Variants in LRRC49 observed in about 807,000 individuals in gnomAD.
LRRC49 encodes the protein leucine rich repeat containing 49.
LRRC49 carries 50 observed loss-of-function variants against 83.3 expected under a neutral mutation model. That is an observed-to-expected ratio of 0.60 (90% CI 0.48 to 0.76). The LOEUF (loss-of-function observed/expected upper bound fraction) is 0.76. LRRC49 is among the 30% of genes least tolerant of loss of function. The pLI is 0.00. For missense variants in LRRC49, 704 were observed against 809.1 expected (o/e 0.87, Z 1.58); for synonymous variants, 286 against 283.3 (o/e 1.01, Z -0.10).
upstream of LRRC49, chr15:70,892,649 GT>G: frequency 6.9e-7 from 1 of 1,446,058 alleles, no homozygotes; most frequent in South Asian, 1.4e-5. Flanking sequence ...CTCCCGCTCT[GT>G]TTTTATGAGG....
chr15:70,930,545 C>T lies in LRRC49; in HGVS notation c.712-6216C>T, dbSNP rs189502855. ...TGTCAACAACTTTGTTAGCTCCTAA[C>T]GAGAGAGTCAGCATGTGTTTTGAAG... On this transcript the variant is annotated intron_variant, in intron 7 of 15. Transcript: ENST00000260382. 5.3e-5 allele frequency among the ~76,000 whole-genome samples: 8 copies of T among 152,292 alleles called. No individual in the cohort carries two copies. The East Asian group carries it at 1.2e-3, about 22-fold the overall frequency.
At chr15:70,927,695 T>A (rs543278950) in intron 7 of LRRC49, among the ~76,000 whole-genome samples, 1 of 152,328 alleles carries the variant, frequency 6.6e-6, no homozygotes, top group South Asian at 2.1e-4. Context: ...TTGCCCAGGT[T>A]GGAGTGCAGT....
intron 1 of LRRC49, among the ~76,000 whole-genome samples, chr15:70,865,429 G>A (rs749300371): frequency 3.3e-5 from 5 of 152,078 alleles, no homozygotes; most frequent in South Asian, 2.1e-4. Flanking sequence ...TGATAGTTCC[G>A]TAAAATTATC....
chr15:70,996,939 T>C (rs1212411509), intron 11 of LRRC49, among the ~76,000 whole-genome samples: 1 of 152,238 alleles, frequency 6.6e-6, no homozygotes, highest in Admixed American at 6.5e-5. Flanking sequence ...TTAATCTTTT[T>C]AGATTGATTG....
At chr15:70,887,566 A>C (rs2033443740), upstream of LRRC49, among the ~76,000 whole-genome samples, 1 of 152,194 alleles carries the variant, frequency 6.6e-6, no homozygotes, top group Non-Finnish European at 1.5e-5. Context: ...CATTATTTAT[A>C]ATCTAAACTA....
chr15:70,862,517 G>A (rs888939136), intron 1 of LRRC49, among the ~76,000 whole-genome samples: 35 of 143,746 alleles, frequency 2.4e-4, no homozygotes, highest in African/African-American at 8.0e-4. Flanking sequence ...GGCAGAGGTT[G>A]CAGTGAGCTG....
At chr15:71,046,560 T>C (rs2039860404) in intron 15 of LRRC49, among the ~76,000 whole-genome samples, 1 of 152,216 alleles carries the variant, frequency 6.6e-6, no homozygotes, top group Non-Finnish European at 1.5e-5. Context: ...ATTTGGTTTT[T>C]GCTTGGTGAT....
chr15:71,015,124 T>C (rs2038783286), intron 14 of LRRC49, among the ~76,000 whole-genome samples: 1 of 152,062 alleles, frequency 6.6e-6, no homozygotes, highest in Non-Finnish European at 1.5e-5. Context: ...TTGGGATGGG[T>C]AGTGGGGTAG....
intron 2 of LRRC49, among the ~76,000 whole-genome samples, chr15:70,893,940 G>T (rs956992408): frequency 2.0e-5 from 3 of 150,978 alleles, no homozygotes; most frequent in African/African-American, 7.3e-5. Flanking sequence ...AGGCTGGGGC[G>T]CTGGGGTGCA....
intron 2 of LRRC49, among the ~76,000 whole-genome samples, chr15:70,873,502 T>C (rs1023700135): frequency 6.6e-6 from 1 of 152,190 alleles, no homozygotes; most frequent in Non-Finnish European, 1.5e-5. Context: ...TACAGTTGCA[T>C]GGGCTGACTG....
chr15:70,854,175 G>A, intron 1 of LRRC49: 1 of 995,360 alleles, frequency 1.0e-6, no homozygotes, highest in Non-Finnish European at 1.3e-6. Context: ...GGGGGCGGGG[G>A]CGGTGCGAGC....
At chr15:70,961,161 A>G (rs2036589743) in intron 8 of LRRC49, among the ~76,000 whole-genome samples, 1 of 152,208 alleles carries the variant, frequency 6.6e-6, no homozygotes, top group Admixed American at 6.5e-5. Flanking sequence ...AAGTATGCAT[A>G]TGAAAAGATG....
intron 1 of LRRC49, among the ~76,000 whole-genome samples, chr15:70,856,103 A>G (rs1257363218): frequency 6.6e-6 from 1 of 152,142 alleles, no homozygotes; most frequent in Admixed American, 6.5e-5. Context: ...CAATTCATAC[A>G]TGTCTTTTCA....
intron 1 of LRRC49, chr15:70,859,577 C>A: frequency 1.5e-6 from 1 of 658,124 alleles, no homozygotes; most frequent in Non-Finnish European, 2.9e-6. Flanking sequence ...GTATGAGGAG[C>A]TGCAGACGCT....
chr15:70,979,999 C>A, intron 9 of LRRC49, 102 bp from the exon 10 acceptor site: 1 of 656,940 alleles, frequency 1.5e-6, no homozygotes, highest in Non-Finnish European at 2.6e-6. Flanking sequence ...CTAGTAAATA[C>A]TATGCCTCTC....
chr15:70,964,623 C>G (rs2036729200), intron 9 of LRRC49, among the ~76,000 whole-genome samples: 1 of 152,128 alleles, frequency 6.6e-6, no homozygotes, highest in Non-Finnish European at 1.5e-5. Flanking sequence ...ATATCCCCCT[C>G]TTTTTAGGTG....
At chr15:70,997,690 G>A (rs919837889) in intron 11 of LRRC49, among the ~76,000 whole-genome samples, 1 of 152,218 alleles carries the variant, frequency 6.6e-6, no homozygotes, top group South Asian at 2.1e-4. Flanking sequence ...GGTGGAGGTT[G>A]CAGTGAGCCA....
rs1213694347 is a variant in LRRC49 at position 70,984,153 on chromosome 15, A to C, written c.1065A>C (p.Arg355=). The change falls in exon 11 of 16, where the codon CGA becomes CGC. Residue 355 remains arginine (R), a synonymous_variant. Coordinates refer to ENST00000260382, the MANE Select transcript of LRRC49 (RefSeq NM_017691.5). ...GACAGTGGGACTTGCAACAACAACG[A>C]GTAGCCAATATTGCTACAAATGAAG... ...VARQWDLQQQ[R]VANIATNEDR... The C allele has an allele frequency of 6.2e-7, 1 of 1,613,152 alleles. No homozygotes were observed. Among genetic ancestry groups the C allele is most frequent in the Non-Finnish European group, 8.5e-7 (1 of 1,179,324 alleles).
rs1278243592 is a variant in LRRC49, at chr15:70,982,672, A to G, written c.1006-1422A>G. Among the ~76,000 whole-genome samples, 5 of 152,146 alleles carry G rather than the reference A, an allele frequency of 3.3e-5. No individual in the cohort carries two copies. In the South Asian group the frequency reaches 8.3e-4, roughly 25 times the overall value. ...TGTTGCCCAGGCTGGAATGCAGTTC[A>G]CAGGTGTGACTGTAGCACACTACAG... On this transcript the variant is annotated intron_variant, in intron 10 of 15. Coordinates refer to ENST00000260382, the MANE Select transcript of LRRC49 (RefSeq NM_017691.5).
Sources: gnomAD v4.1 joint callset for allele counts (sites outside exome capture counted in the v4.1 genomes callset) on GRCh38, gnomAD v4.1.1 for gene constraint, MANE v1.5 for transcripts, NCBI Gene and HGNC (gene_info 2026-07-23, HGNC 2026-07-21) for gene names.